The following ATP9A variants were observed in gnomAD, a reference collection of about 807,000 sequenced individuals.
The protein encoded by ATP9A is ATPase phospholipid transporting 9A.
Under a neutral mutation model 144.1 loss-of-function variants are expected in ATP9A, and 52 were observed. The ratio of observed to expected loss-of-function variants is 0.36; its 90% CI spans 0.29 to 0.45. The LOEUF (loss-of-function observed/expected upper bound fraction) is 0.45, where lower values mean the gene tolerates loss of function less well. Ranked by LOEUF, ATP9A falls within the 20% of genes least tolerant of loss-of-function variation. The probability of loss-of-function intolerance (pLI) is 1.00; values close to 1 mark genes in which losing one functional copy is unlikely to be tolerated. For missense variants in ATP9A, 947 were observed against 1,392.7 expected, an observed-to-expected ratio of 0.68 and a Z score of 5.09; for synonymous variants, 582 against 557.4, an observed-to-expected ratio of 1.04 and a Z score of -0.62.
intron 26 of ATP9A, among the ~76,000 whole-genome samples, chr20:51,605,916 A>G (rs370381168): frequency 1.3e-5 from 2 of 151,816 alleles, no homozygotes; most frequent in Non-Finnish European, 2.9e-5. Context: ...CTGTTACAAA[A>G]AAAAAAAAAA....
chr20:51,618,077 A>C (rs768139540), intron 21 of ATP9A, among the ~76,000 whole-genome samples: 25 of 152,084 alleles, frequency 1.6e-4, no homozygotes, highest in Non-Finnish European at 3.4e-4. Context: ...AAAATTAGCC[A>C]CACGTGGTGG....
At chr20:51,713,124 G>T in intron 3 of ATP9A, 50 bp from the exon 4 acceptor site, 1 of 1,525,662 alleles carries the variant, frequency 6.6e-7, no homozygotes, top group Non-Finnish European at 8.9e-7. Flanking sequence ...GAGCCCTGCT[G>T]CAGCCAACCG....
intron 19 of ATP9A, among the ~76,000 whole-genome samples, chr20:51,619,586 G>GC (rs1369693600): frequency 1.4e-5 from 2 of 143,260 alleles, no homozygotes; most frequent in Non-Finnish European, 3.1e-5. Flanking sequence ...AGGGGGGGGG[G>GC]GGCCAGGTAC....
chr20:51,596,907 T>C lies in ATP9A; in HGVS notation c.*4304A>G, dbSNP rs974775375. The C allele has an allele frequency of 2.0e-5, 3 of 152,072 alleles. No individual in the cohort carries two copies. Among genetic ancestry groups the C allele is most frequent in the South Asian group, 2.1e-4 (1 of 4,824 alleles). 9.4% of individuals were successfully genotyped at this position (152,072 alleles called of 1,614,324 possible). On this transcript the variant is annotated 3_prime_UTR_variant, in exon 28 of 28. Transcript: ENST00000338821. ...ATCGAGAATTTAAATCATCTGGAAG[T>C]TCCTGCTAAATTAAAGCATACTGTG...
intron 1 of ATP9A, among the ~76,000 whole-genome samples, chr20:51,767,284 GC>G (rs2077908980): frequency 6.6e-6 from 1 of 152,120 alleles, no homozygotes; most frequent in South Asian, 2.1e-4. Flanking sequence ...GCGGGCTCCA[GC>G]CTCACCTGCG....
At chr20:51,732,805 G>T (rs1009895154) in intron 1 of ATP9A, among the ~76,000 whole-genome samples, 5 of 152,022 alleles carry the variant, frequency 3.3e-5, no homozygotes, top group African/African-American at 1.2e-4. Context: ...GAAGCAAAGA[G>T]GGAGGGGGAG....
At chr20:51,735,721 T>C (rs150815537) in intron 1 of ATP9A, among the ~76,000 whole-genome samples, 253 of 152,352 alleles carry the variant, frequency 1.7e-3, no homozygotes, top group African/African-American at 5.9e-3. Context: ...AGTCTTCACC[T>C]GCACTGAATA....
chr20:51,633,524 C>T (rs1321092353), intron 15 of ATP9A, among the ~76,000 whole-genome samples: 1 of 152,064 alleles, frequency 6.6e-6, no homozygotes, highest in African/African-American at 2.4e-5. Context: ...AGCGGGAGGA[C>T]AGCTTGAGGC....
intron 14 of ATP9A, among the ~76,000 whole-genome samples, chr20:51,655,397 A>G (rs1267938008): frequency 1.3e-5 from 2 of 152,252 alleles, no homozygotes; most frequent in Non-Finnish European, 2.9e-5. Context: ...CCTGAGTGAC[A>G]GAGCAAAACA....
chr20:51,646,804 G>A (rs967480416), intron 14 of ATP9A, among the ~76,000 whole-genome samples: 1 of 152,166 alleles, frequency 6.6e-6, no homozygotes, highest in South Asian at 2.1e-4. Flanking sequence ...AGGAATCAGC[G>A]GAAGAGACAG....
At chr20:51,689,177 A>G in intron 8 of ATP9A, 38 bp from the exon 9 acceptor site, 3 of 1,595,294 alleles carry the variant, frequency 1.9e-6, no homozygotes, top group Non-Finnish European at 2.6e-6. Flanking sequence ...CACCCCCCAA[A>G]GCTTCCCCAG....
chr20:51,625,312 C>T lies in ATP9A; in HGVS notation c.1896G>A (p.Val632=), dbSNP rs1371156035. ...TCTCCAGGCTCTCGATCACCGTGGC[C>T]ACTTTGAGGGAGCGGTCGTGCACAC... The part of the protein sequence containing the change: ...KLSVHDRSLK[V]ATVIESLEME... The change falls in exon 18 of 28, where the codon GTG becomes GTA. Residue 632 remains valine (V), a synonymous_variant. Transcript: ENST00000338821. The T allele has an allele frequency of 9.3e-6, 15 of 1,614,096 alleles. No homozygotes were observed. The highest frequency in any genetic ancestry group is 1.3e-5 in the Non-Finnish European group (15 of 1,180,044).
At chr20:51,685,332 G>A (rs1039285577) in intron 9 of ATP9A, among the ~76,000 whole-genome samples, 14 of 152,136 alleles carry the variant, frequency 9.2e-5, no homozygotes, top group African/African-American at 2.7e-4. Flanking sequence ...AGACTGAGGC[G>A]GGTGGATCAT....
intron 14 of ATP9A, among the ~76,000 whole-genome samples, chr20:51,653,231 A>G (rs1661228165): frequency 6.6e-6 from 1 of 151,992 alleles, no homozygotes; most frequent in Admixed American, 6.6e-5. Flanking sequence ...AACAAGACAA[A>G]TCTGATTTCA....
chr20:51,756,435 T>G (rs768117490), intron 1 of ATP9A, among the ~76,000 whole-genome samples: 4 of 151,994 alleles, frequency 2.6e-5, no homozygotes, highest in Non-Finnish European at 5.9e-5. Context: ...AGATTACAGG[T>G]GCACGCCACC....
intron 4 of ATP9A, among the ~76,000 whole-genome samples, chr20:51,711,320 AT>A (rs951329530): frequency 1.3e-4 from 20 of 151,292 alleles, no homozygotes; most frequent in Middle Eastern, 3.4e-3. Flanking sequence ...TAAAATCTGC[AT>A]TTTTTTTTAG....
chr20:51,620,519 C>T (rs963546681), intron 19 of ATP9A, among the ~76,000 whole-genome samples: 1 of 152,066 alleles, frequency 6.6e-6, no homozygotes, highest in Non-Finnish European at 1.5e-5. Flanking sequence ...GATTCATTAA[C>T]ATTGAGCTCA....
intron 27 of ATP9A, 40 bp downstream of exon 27, chr20:51,604,777 T>TG (rs762495832): frequency 1.4e-6 from 2 of 1,433,324 alleles, no homozygotes; most frequent in African/African-American, 1.5e-5. Context: ...CCAGATTCAC[T>TG]GGGGGTGACG....
chr20:51,751,803 T>C (rs543415707), intron 1 of ATP9A, among the ~76,000 whole-genome samples: 4 of 152,032 alleles, frequency 2.6e-5, no homozygotes, highest in Admixed American at 6.6e-5. Context: ...TTAGCCAGGA[T>C]GGTCTCGATC....
Sources: allele counts gnomAD v4.1 joint callset (sites outside exome capture counted in the v4.1 genomes callset), GRCh38; gene constraint gnomAD v4.1.1; transcripts MANE v1.5; gene names NCBI Gene and HGNC (gene_info 2026-07-23, HGNC 2026-07-21).